Variants in CHN1 observed in about 807,000 individuals in gnomAD.
The protein encoded by CHN1 is N-chimaerin.
Under a neutral mutation model 59.5 loss-of-function variants are expected in CHN1, and 37 were observed. That is an observed-to-expected ratio of 0.62 (90% CI 0.48 to 0.82). The LOEUF is 0.82. CHN1 is among the 40% of genes least tolerant of loss of function. The pLI is 0.00. For missense variants in CHN1, 469 were observed against 571.0 expected (o/e 0.82, Z 1.82); for synonymous variants, 206 against 200.4 (o/e 1.03, Z -0.24).
chr2:174,995,329 A>G (rs532183637), intron 1 of CHN1, among the ~76,000 whole-genome samples: 1 of 152,344 alleles, frequency 6.6e-6, no homozygotes, highest in Admixed American at 6.5e-5. Flanking sequence ...ACAAGTTTTT[A>G]AGTTGCATGC....
intron 3 of CHN1, among the ~76,000 whole-genome samples, chr2:174,933,569 A>G (rs1558987612): frequency 6.6e-6 from 1 of 152,224 alleles, no homozygotes; most frequent in Admixed American, 6.5e-5. Context: ...GGCAGTGGGT[A>G]AAGTTCTGAG....
chr2:174,995,747 C>T (rs1691687407), intron 1 of CHN1, among the ~76,000 whole-genome samples: 1 of 152,188 alleles, frequency 6.6e-6, no homozygotes, highest in Non-Finnish European at 1.5e-5. Context: ...GGGACACCTG[C>T]TGCCAAGAAT....
At chr2:174,967,668 T>C (rs1042140572) in intron 1 of CHN1, among the ~76,000 whole-genome samples, 3 of 152,266 alleles carry the variant, frequency 2.0e-5, no homozygotes, top group African/African-American at 7.2e-5. Flanking sequence ...ACTATACTTT[T>C]AGTGGAGATT....
chr2:174,995,619 G>A (rs1274898539), intron 1 of CHN1, among the ~76,000 whole-genome samples: 1 of 152,202 alleles, frequency 6.6e-6, no homozygotes, highest in African/African-American at 2.4e-5. Context: ...TAATGCCATT[G>A]CTGATCTGAC....
In CHN1 at chr2:174,801,709, C is replaced by G. The variant is rs1389750647; in HGVS notation, c.1206G>C (p.Lys402Asn). ...AAGACTCAAAGTCTATAGCTTGCCT[C>G]TTTAGATGTGCCATGAGGTACCGGA... ...ETLRYLMAHL[K>N]RVTLHEKENL... Residue 402 changes from lysine (K) to asparagine (N), a missense_variant and splice_region_variant, in exon 12 of 13, where the codon AAG becomes AAC. Physicochemically the swap from Lys to Asn is moderately conservative, Grantham distance 94. Coordinates refer to ENST00000409900, the MANE Select transcript of CHN1 (RefSeq NM_001822.7). The G allele has an allele frequency of 1.2e-6, 2 of 1,612,380 alleles. No homozygotes were observed. The highest frequency in any genetic ancestry group is 1.7e-6 in the Non-Finnish European group (2 of 1,178,636).
chr2:174,844,165 T>C lies in CHN1; in HGVS notation c.627+2715A>G, dbSNP rs16862871. On this transcript the variant is annotated intron_variant, in intron 7 of 12. Transcript: ENST00000409900. ...AGGGATATAACTATCCTTCTTGTGA[T>C]AGATGCTTTCTCAAATCCTTATAAG... Among the ~76,000 whole-genome samples, 732 of 151,442 alleles carry C rather than the reference T, an allele frequency of 4.8e-3. 7 individuals are homozygous for C. Among genetic ancestry groups the C allele is most frequent in the African/African-American group, 0.017 (685 of 41,254 alleles).
chr2:174,864,282 T>C (rs906820437), intron 6 of CHN1, among the ~76,000 whole-genome samples: 14 of 152,218 alleles, frequency 9.2e-5, no homozygotes, highest in Admixed American at 6.5e-5. Flanking sequence ...AGAGGTCTTT[T>C]GTCAGTTTCA....
At chr2:174,871,531 G>GA (rs940985041) in intron 6 of CHN1, among the ~76,000 whole-genome samples, 1 of 151,986 alleles carries the variant, frequency 6.6e-6, no homozygotes, top group Non-Finnish European at 1.5e-5. Context: ...AATACTGGGG[G>GA]AAAAAAGCCT....
intron 2 of CHN1, among the ~76,000 whole-genome samples, chr2:174,946,900 TAAAAAAAAA>T (rs34155510): frequency 4.0e-5 from 4 of 100,218 alleles, no homozygotes; most frequent in African/African-American, 1.5e-4. Context: ...CTAAAAAATG[TAAAAAAAAA>T]AAAAAAAAAA....
intron 8 of CHN1, among the ~76,000 whole-genome samples, chr2:174,814,313 A>G (rs1160092246): frequency 6.6e-6 from 1 of 152,220 alleles, no homozygotes; most frequent in Non-Finnish European, 1.5e-5. Flanking sequence ...TGAACAAATG[A>G]CCCAACACTA....
At chr2:174,861,567 T>C (rs977184913) in intron 6 of CHN1, among the ~76,000 whole-genome samples, 8 of 152,230 alleles carry the variant, frequency 5.3e-5, no homozygotes, top group African/African-American at 1.9e-4. Context: ...GTTTTGTCTT[T>C]TATCTAGGTT....
intron 1 of CHN1, among the ~76,000 whole-genome samples, chr2:174,980,473 CT>C (rs1691109705): frequency 6.6e-6 from 1 of 152,032 alleles, no homozygotes; most frequent in Admixed American, 6.5e-5. Flanking sequence ...AATTTTTAGT[CT>C]TTTTTCCCGT....
rs189080920 is a variant in CHN1, at chr2:174,823,154, A to G, written c.712+1280T>C. Among the ~76,000 whole-genome samples the G allele has an allele frequency of 2.6e-5, 4 of 152,322 alleles. No homozygotes were observed. In the East Asian group the frequency reaches 7.7e-4, roughly 29 times the overall value. ...TATTCCATTTAAAAATCATGCCACA[A>G]AAGAAATGATGTTTATAGCGATAAA... On this transcript the variant is annotated intron_variant, in intron 8 of 12. Coordinates refer to ENST00000409900, the MANE Select transcript of CHN1 (RefSeq NM_001822.7).
At chr2:174,923,124 C>T (rs1689064181) in intron 3 of CHN1, among the ~76,000 whole-genome samples, 1 of 151,980 alleles carries the variant, frequency 6.6e-6, no homozygotes, top group Admixed American at 6.6e-5. Context: ...CCTAATATCG[C>T]CTTTAACAAT....
chr2:174,968,129 C>T (rs1351344970), intron 1 of CHN1, among the ~76,000 whole-genome samples: 7 of 152,146 alleles, frequency 4.6e-5, no homozygotes, highest in Non-Finnish European at 1.0e-4. Context: ...GATAAACTAA[C>T]GCTTACATGA....
At chr2:174,843,356 C>G (rs907217811) in intron 7 of CHN1, among the ~76,000 whole-genome samples, 2 of 152,138 alleles carry the variant, frequency 1.3e-5, no homozygotes, top group African/African-American at 4.8e-5. Flanking sequence ...TGTCCTGCCT[C>G]AGCCTCCAGA....
intron 7 of CHN1, among the ~76,000 whole-genome samples, chr2:174,826,289 C>T (rs1194439585): frequency 1.3e-5 from 2 of 152,146 alleles, no homozygotes; most frequent in Admixed American, 1.3e-4. Context: ...CTGTAATGTC[C>T]CTGTGTTCTT....
At chr2:174,948,155 T>A (rs758902398) in intron 2 of CHN1, among the ~76,000 whole-genome samples, 1 of 152,230 alleles carries the variant, frequency 6.6e-6, no homozygotes, top group African/African-American at 2.4e-5. Context: ...TTGGTCCACA[T>A]GTGTTTTGTT....
intron 7 of CHN1, among the ~76,000 whole-genome samples, chr2:174,827,502 G>A (rs978842296): frequency 6.6e-6 from 1 of 152,214 alleles, no homozygotes; most frequent in Non-Finnish European, 1.5e-5. Flanking sequence ...GAGTGGAAAC[G>A]ACTGGCCTGG....
Sources: allele counts gnomAD v4.1 joint callset (sites outside exome capture counted in the v4.1 genomes callset), GRCh38; gene constraint gnomAD v4.1.1; transcripts MANE v1.5; gene names NCBI Gene and HGNC (gene_info 2026-07-23, HGNC 2026-07-21).